CACNA1S: variants seen among roughly 807,000 people sequenced by gnomAD.
CACNA1S encodes calcium voltage-gated channel subunit alpha1 S, also known as voltage-dependent L-type calcium channel subunit alpha-1S.
CACNA1S carries 126 observed loss-of-function variants against 207.4 expected under a neutral mutation model. That is an observed-to-expected ratio of 0.61 (90% CI 0.53 to 0.70). The LOEUF (loss-of-function observed/expected upper bound fraction) is 0.70, where lower values mean the gene tolerates loss of function less well. CACNA1S is among the 30% of genes least tolerant of loss of function. The probability of loss-of-function intolerance (pLI) is 0.00; values close to 1 mark genes in which losing one functional copy is unlikely to be tolerated. For missense variants in CACNA1S, 2,349 were observed against 2,422.8 expected (o/e 0.97, Z 0.64); for synonymous variants, 960 against 932.7 (o/e 1.03, Z -0.53).
chr1:201,052,574 A>G lies in CACNA1S; in HGVS notation c.3936T>C (p.Ala1312=), dbSNP rs1270731722. 1.2e-6 allele frequency: 2 copies of G among 1,613,870 alleles called. No individual in the cohort carries two copies. The highest frequency in any genetic ancestry group is 2.2e-5 in the South Asian group (2 of 91,078). Residue 1312 remains alanine (A), a synonymous_variant, in exon 32 of 44, where the codon GCT becomes GCC. Coordinates refer to ENST00000362061, the MANE Select transcript of CACNA1S (RefSeq NM_000069.3). The part of the protein sequence containing the change: ...RNNNFQTFPQ[A]VLLLFRCATG... The stretch of plus-strand genomic sequence containing the variant: ...ACGCGTGCCTGAAGAGCAGTAGCAC[A>G]GCTTGTGGGAAGGTCTGGAAGTTGT...
At position 201,065,855 on chromosome 1, in the gene CACNA1S, C is replaced by T. The variant is rs569324688; in HGVS notation, c.2836G>A (p.Gly946Ser). The T allele has an allele frequency of 1.7e-5, 27 of 1,613,878 alleles. No individual in the cohort carries two copies. Among genetic ancestry groups the T allele is most frequent in the East Asian group, 6.7e-5 (3 of 44,884 alleles). ...GGGCTCACCTTGAAGAGCTGGACGC[C>T]GATGCAGGCAAACATGAACTGTAGG... ...TLLQFMFACI[G>S]VQLFKGKFFR... The change falls in exon 22 of 44, where the codon GGC (glycine) becomes AGC (serine). Residue 946 changes from glycine (G) to serine (S), a missense_variant. By Grantham distance (56) the Gly-to-Ser change is moderately conservative. Coordinates refer to ENST00000362061, the MANE Select transcript of CACNA1S (RefSeq NM_000069.3).
intron 2 of CACNA1S, among the ~76,000 whole-genome samples, chr1:201,102,710 A>T (rs1662723573): frequency 6.6e-6 from 1 of 152,220 alleles, no homozygotes; most frequent in Non-Finnish European, 1.5e-5. Context: ...TTTCTCCAGG[A>T]TCACATAGCT....
In CACNA1S at chr1:201,053,950, C is replaced by A. The variant is rs59340025; in HGVS notation, c.3667-363G>T. On this transcript the variant is annotated intron_variant, in intron 29 of 43. Transcript: ENST00000362061. The surrounding 1 kb of genome is among the most constrained non-coding windows in gnomAD (Gnocchi z 5.1). ...CTCAAGCTGCCACTGAGTCGAGGACCCTGGTGGCCCTCCTAGGGCTCCTCC... is the reference window on the plus strand; with the variant it reads ...CTCAAGCTGCCACTGAGTCGAGGACACTGGTGGCCCTCCTAGGGCTCCTCC... Among the ~76,000 whole-genome samples, 9 of 152,210 alleles carry A rather than the reference C, an allele frequency of 5.9e-5. No individual in the cohort carries two copies. The highest frequency in any genetic ancestry group is 2.2e-4 in the African/African-American group (9 of 41,540).
rs773106413 is a variant in CACNA1S, at chr1:201,110,231, T to C, written c.191A>G (p.Asn64Ser). 3.7e-6 allele frequency: 6 copies of C among 1,614,106 alleles called. No individual in the cohort carries two copies. Among genetic ancestry groups the C allele is most frequent in the East Asian group, 2.2e-5 (1 of 44,868 alleles). ...CAGGTACACGGCCAGGGCCACACAATTGGCAAAGATGGTGAGCAAGATGAT... is the reference window on the plus strand; with the variant it reads ...CAGGTACACGGCCAGGGCCACACAACTGGCAAAGATGGTGAGCAAGATGAT... Reference protein sequence around the residue: ...ETIILLTIFANCVALAVYLPM... With the variant: ...ETIILLTIFASCVALAVYLPM... Residue 64 changes from asparagine (N) to serine (S), a missense_variant, in exon 2 of 44, where the codon AAT becomes AGT. Asn to Ser is a conservative substitution (Grantham distance 46). Transcript: ENST00000362061.
At chr1:201,081,874 A>C (rs1485973698) in intron 10 of CACNA1S, among the ~76,000 whole-genome samples, 1 of 152,080 alleles carries the variant, frequency 6.6e-6, no homozygotes, top group Non-Finnish European at 1.5e-5. Flanking sequence ...TCGCCATGTG[A>C]CATGCCTGCC....
chr1:201,067,101 T>G, intron 19 of CACNA1S, 108 bp from the exon 20 acceptor site: 2 of 745,366 alleles, frequency 2.7e-6, no homozygotes, highest in Non-Finnish European at 4.9e-6. Context: ...ACTGAGGCAA[T>G]AGCCTTCCAG....
In CACNA1S at chr1:201,049,493, T is replaced by C. The variant is rs1030986572; in HGVS notation, c.4242-394A>G. Among the ~76,000 whole-genome samples, 4 of 152,108 alleles carry C rather than the reference T, an allele frequency of 2.6e-5. No individual in the cohort carries two copies. In the East Asian group the frequency reaches 7.7e-4, roughly 29 times the overall value. On this transcript the variant is annotated intron_variant, in intron 34 of 43. Coordinates refer to ENST00000362061, the MANE Select transcript of CACNA1S (RefSeq NM_000069.3). ...GTGGAAGCCCACTTCCAGAGGCTGG[T>C]CCAGAGCTGGAAACCACATTTTCAT...
chr1:201,090,366 G>A (rs1400506334), intron 5 of CACNA1S, among the ~76,000 whole-genome samples: 1 of 152,192 alleles, frequency 6.6e-6, no homozygotes, highest in Admixed American at 6.5e-5. Context: ...GCTTATGATA[G>A]GATGTAGATT....
chr1:201,057,056 C>T (rs1660872812), intron 28 of CACNA1S, among the ~76,000 whole-genome samples: 1 of 152,246 alleles, frequency 6.6e-6, no homozygotes, highest in Non-Finnish European at 1.5e-5. Context: ...GTTCGCAACA[C>T]AGCAGCCACA....
rs748492122 is a variant in CACNA1S, at chr1:201,073,530, C to A, written c.2157+19G>T. 6.3e-7 allele frequency: 1 copy of A among 1,595,568 alleles called. No individual in the cohort carries two copies. The highest frequency in any genetic ancestry group is 1.7e-5 in the Admixed American group (1 of 60,006). On this transcript the variant is annotated intron_variant, in intron 15 of 43. Coordinates refer to ENST00000362061, the MANE Select transcript of CACNA1S (RefSeq NM_000069.3). ...AGAGCCCCTAGACTGCCTCTAACAT[C>A]CCCACCTGAGGTGCTCACCTTGGCA...
intron 27 of CACNA1S, 39 bp downstream of exon 27, chr1:201,059,149 GC>G: frequency 1.5e-6 from 2 of 1,333,600 alleles, no homozygotes; most frequent in Non-Finnish European, 2.2e-6. Flanking sequence ...CCACCCACCA[GC>G]CCCAGCTTCT....
chr1:201,045,617 C>G (rs886606633), intron 38 of CACNA1S, among the ~76,000 whole-genome samples: 2 of 151,642 alleles, frequency 1.3e-5, no homozygotes, highest in African/African-American at 4.8e-5. Flanking sequence ...TGCCTGTGAT[C>G]CCAGCTACTC....
At chr1:201,111,307 G>C (rs1444141665) in intron 1 of CACNA1S, among the ~76,000 whole-genome samples, 3 of 152,108 alleles carry the variant, frequency 2.0e-5, no homozygotes, top group East Asian at 3.9e-4. Flanking sequence ...TAGGAGCCCA[G>C]CCTTCCAGAA....
intron 34 of CACNA1S, among the ~76,000 whole-genome samples, chr1:201,049,375 A>G (rs1234171085): frequency 6.6e-6 from 1 of 152,188 alleles, no homozygotes; most frequent in African/African-American, 2.4e-5. Flanking sequence ...TCCAGACCTC[A>G]TTTTCCCTAT....
At chr1:201,049,640 C>T (rs1660588141) in intron 34 of CACNA1S, among the ~76,000 whole-genome samples, 1 of 152,200 alleles carries the variant, frequency 6.6e-6, no homozygotes, top group South Asian at 2.1e-4. Context: ...GAAAGTCCTA[C>T]TGGCTTCCTC....
Position 201,047,575 on chromosome 1 carries a change from C to A in CACNA1S, c.4493G>T (p.Trp1498Leu). The change falls in exon 37 of 44, where the codon TGG becomes TTG. Residue 1498 changes from tryptophan (W) to leucine (L), a missense_variant. By Grantham distance (61) the Trp-to-Leu change is moderately conservative. Coordinates refer to ENST00000362061, the MANE Select transcript of CACNA1S (RefSeq NM_000069.3). The part of the protein sequence containing the change: ...EELRAIIKKI[W>L]KRTSMKLLDQ... The stretch of plus-strand genomic sequence containing the variant: ...CAAGAGCTTCATGCTGGTTCTCTTC[C>A]AGATCTTCTTGATGATGGCCCTCAG... 1 of 1,614,222 alleles carries A rather than the reference C, an allele frequency of 6.2e-7. No individual in the cohort carries two copies. The highest frequency in any genetic ancestry group is 2.2e-5 in the East Asian group (1 of 44,884).
intron 19 of CACNA1S, among the ~76,000 whole-genome samples, chr1:201,067,941 T>C (rs7519715): frequency 0.65 from 98,619 of 152,026 alleles, 32,671 homozygotes; most frequent in East Asian, 0.99. Context: ...TCTCTTAGTT[T>C]GTGAATGTGC....
At chr1:201,093,833 A>C (rs1273575461) in intron 3 of CACNA1S, 49 bp downstream of exon 3, 1 of 1,609,374 alleles carries the variant, frequency 6.2e-7, no homozygotes, top group Non-Finnish European at 8.5e-7. Context: ...GTGGGCACAC[A>C]GTCCTCAGCG....
intron 40 of CACNA1S, among the ~76,000 whole-genome samples, chr1:201,042,612 T>C (rs1660301606): frequency 6.6e-6 from 1 of 152,232 alleles, no homozygotes; most frequent in South Asian, 2.1e-4. Flanking sequence ...TTAAGGGGTC[T>C]CTGTGACTGG....
Sources: allele counts gnomAD v4.1 joint callset (sites outside exome capture counted in the v4.1 genomes callset), GRCh38; gene constraint gnomAD v4.1.1; non-coding constraint Gnocchi (gnomAD v3.1); transcripts MANE v1.5; gene names NCBI Gene and HGNC (gene_info 2026-07-23, HGNC 2026-07-21).